LEO1: variants seen among roughly 807,000 people sequenced by gnomAD.
LEO1 encodes LEO1 component of Paf1/RNA polymerase II complex, also known as RNA polymerase-associated protein LEO1.
LEO1 carries 34 observed loss-of-function variants against 80.4 expected under a neutral mutation model. The ratio of observed to expected loss-of-function variants is 0.42; its 90% CI spans 0.32 to 0.56. The LOEUF (loss-of-function observed/expected upper bound fraction) is 0.56. Ranked by LOEUF, LEO1 falls within the 20% of genes least tolerant of loss-of-function variation. LEO1 has a pLI of 0.10. For missense variants in LEO1, 631 were observed against 814.2 expected, an observed-to-expected ratio of 0.77 and a Z score of 2.74; for synonymous variants, 262 against 274.9, an observed-to-expected ratio of 0.95 and a Z score of 0.46.
chr15:51,949,816 C>A lies in LEO1; in HGVS notation c.1790G>T (p.Gly597Val), dbSNP rs762139533. 8.7e-6 allele frequency: 14 copies of A among 1,612,798 alleles called. No homozygotes were observed. Reference protein sequence around the residue: ...LAAIKNRYKGGIREERARIYS... With the variant: ...LAAIKNRYKGVIREERARIYS... ...TTCCATACACGACTCACCTCGAATG[C>A]CCCCTTTATATCGGTTTTTAATGGC... is the stretch of plus-strand genomic sequence containing the variant. The change falls in exon 10 of 12, where the codon GGC (glycine) becomes GTC (valine). Residue 597 changes from glycine (G) to valine (V), a missense_variant. Transcript: ENST00000299601.
Position 51,966,352 on chromosome 15 carries a change from C to G in LEO1, c.211G>C (p.Ala71Pro), listed in dbSNP as rs1386255501. Residue 71 changes from alanine to proline, a missense_variant, in exon 2 of 12, where the codon GCT (alanine) becomes CCT (proline). Ala to Pro is a conservative substitution (Grantham distance 27). Transcript: ENST00000299601. ...TTATCACTACCACTATGATGTGAAG[C>G]TCCCTCGTCCTCACTGTCATCTCCA... ...LFGDDSEDEG[A>P]SHHSGSDNHS... 1 of 1,614,070 alleles carries G rather than the reference C, an allele frequency of 6.2e-7. No homozygotes were observed. The highest frequency in any genetic ancestry group is 8.5e-7 in the Non-Finnish European group (1 of 1,180,030).
Position 51,967,180 on chromosome 15 carries a change from A to G in LEO1, c.59-676T>C, listed in dbSNP as rs534504209. 1.2e-4 allele frequency among the ~76,000 whole-genome samples: 19 copies of G among 152,262 alleles called. No homozygotes were observed. In the South Asian group the frequency reaches 3.9e-3, roughly 32 times the overall value. On this transcript the variant is annotated intron_variant, in intron 1 of 11. Transcript: ENST00000299601. The stretch of plus-strand genomic sequence containing the variant: ...GAAATGAGCAGAAAAAGATTCTTAA[A>G]TAATAGCTGAGGCCAGGCATGGTGG...
At chr15:51,961,083 C>A (rs1176506974) in intron 3 of LEO1, among the ~76,000 whole-genome samples, 1 of 152,142 alleles carries the variant, frequency 6.6e-6, no homozygotes, top group African/African-American at 2.4e-5. Flanking sequence ...ATAAGTCTAT[C>A]CCAGATTCAA....
At chr15:51,948,683 G>A (rs2056921877) in intron 10 of LEO1, among the ~76,000 whole-genome samples, 1 of 152,158 alleles carries the variant, frequency 6.6e-6, no homozygotes, top group African/African-American at 2.4e-5. Flanking sequence ...ATTATTAATA[G>A]GTTGTTTTTG....
intron 1 of LEO1, among the ~76,000 whole-genome samples, chr15:51,967,779 A>C (rs1303840065): frequency 6.6e-6 from 1 of 152,266 alleles, no homozygotes; most frequent in East Asian, 1.9e-4. Flanking sequence ...TCAACCAAGA[A>C]TTTTATATTC....
At chr15:51,947,870 T>A (rs983203186) in intron 10 of LEO1, among the ~76,000 whole-genome samples, 6 of 152,324 alleles carry the variant, frequency 3.9e-5, no homozygotes, top group Non-Finnish European at 7.4e-5. Context: ...ATTTTAGATA[T>A]GCGGAAATGA....
rs78046082 is a variant in LEO1, at chr15:51,941,890, T to C, written c.1897-3630A>G. 8.1e-3 allele frequency among the ~76,000 whole-genome samples: 1,231 copies of C among 152,226 alleles called. 21 individuals are homozygous for C. Among genetic ancestry groups the C allele is most frequent in the African/African-American group, 0.029 (1,186 of 41,538 alleles). Reference sequence around the variant, plus strand: ...AAACTCCATTGATCAGATGAGGAAATAGAGATATGAGATGACTGGCCCAAG... The same window carrying C: ...AAACTCCATTGATCAGATGAGGAAACAGAGATATGAGATGACTGGCCCAAG... On this transcript the variant is annotated intron_variant, in intron 11 of 11. Coordinates refer to ENST00000299601, the MANE Select transcript of LEO1 (RefSeq NM_138792.4).
chr15:51,947,144 C>G, intron 11 of LEO1, 148 bp downstream of exon 11: 1 of 686,868 alleles, frequency 1.5e-6, no homozygotes, highest in Non-Finnish European at 2.6e-6. Context: ...CTGGATCACT[C>G]TGTCTTGTTA....
At chr15:51,969,118 G>A (rs891148440) in intron 1 of LEO1, among the ~76,000 whole-genome samples, 4 of 151,706 alleles carry the variant, frequency 2.6e-5, no homozygotes, top group African/African-American at 9.7e-5. Context: ...CACCACACCT[G>A]GCTAATTTTT....
At position 51,942,426 on chromosome 15, in the gene LEO1, A is replaced by C. The variant is rs560806158; in HGVS notation, c.1897-4166T>G. Among the ~76,000 whole-genome samples the C allele has an allele frequency of 5.3e-5, 8 of 152,288 alleles. No homozygotes were observed. The East Asian group carries it at 1.2e-3, about 22-fold the overall frequency. On this transcript the variant is annotated intron_variant, in intron 11 of 11. Transcript: ENST00000299601. ...CTATCTGATGGATCACTTAAAAAAA[A>C]AAAAATCACTTCTGAGAATACTAGG... is the stretch of plus-strand genomic sequence containing the variant.
chr15:51,954,371 G>C lies in LEO1; in HGVS notation c.1340+110C>G, dbSNP rs1323284151. 5.8e-5 allele frequency: 40 copies of C among 688,950 alleles called. No individual in the cohort carries two copies. The East Asian group carries it at 9.7e-4, about 17-fold the overall frequency. The allele number at this position is 688,950 out of a possible 1,614,324, so 42.7% of individuals were successfully genotyped here. ...CACTCCAACATGGGCAACAGAGTGA[G>C]ACCCCATTTCTAAAACTAATAATAA... On this transcript the variant is annotated intron_variant, in intron 7 of 11. Coordinates refer to ENST00000299601, the MANE Select transcript of LEO1 (RefSeq NM_138792.4).
chr15:51,963,263 G>A (rs1426059457), intron 2 of LEO1, among the ~76,000 whole-genome samples: 7 of 151,792 alleles, frequency 4.6e-5, no homozygotes, highest in South Asian at 2.1e-4. Flanking sequence ...GTGACAGAGC[G>A]AGACTGTCTC....
chr15:51,948,067 T>C (rs1384031383), intron 10 of LEO1, among the ~76,000 whole-genome samples: 1 of 152,218 alleles, frequency 6.6e-6, no homozygotes, highest in Non-Finnish European at 1.5e-5. Flanking sequence ...GAAAGTGGTT[T>C]CCTGGTCCTG....
rs1283016820 is a variant in LEO1, at chr15:51,960,704, C to T, written c.949G>A (p.Gly317Ser). 1 of 1,609,978 alleles carries T rather than the reference C, an allele frequency of 6.2e-7. No individual in the cohort carries two copies. Among genetic ancestry groups the T allele is most frequent in the Non-Finnish European group, 8.5e-7 (1 of 1,176,200 alleles). Residue 317 changes from glycine to serine, a missense_variant, in exon 4 of 12, where the codon GGT (glycine) becomes AGT (serine). Physicochemically the swap from Gly to Ser is moderately conservative, Grantham distance 56. This residue lies in a region of LEO1 where 394 missense variants were observed against 395.6 expected (regional missense o/e 1.00). Transcript: ENST00000299601. ...CTCCCTGAAGAGATATCATCTGCACCTCCAAATAAATCCATGGTTCCACTA... is the reference window on the plus strand; with the variant it reads ...CTCCCTGAAGAGATATCATCTGCACTTCCAAATAAATCCATGGTTCCACTA... ...DNSGTMDLFG[G>S]ADDISSGSDG...
intron 10 of LEO1, among the ~76,000 whole-genome samples, chr15:51,949,433 C>T (rs1196337522): frequency 1.3e-5 from 2 of 152,176 alleles, no homozygotes; most frequent in Non-Finnish European, 2.9e-5. Flanking sequence ...GGCACAGTGG[C>T]TCATGCCTGT....
chr15:51,954,455 A>C, intron 7 of LEO1, 26 bp downstream of exon 7: 1 of 1,460,900 alleles, frequency 6.8e-7, no homozygotes, highest in South Asian at 1.1e-5. Flanking sequence ...GGGTATGTCA[A>C]TACCCTTCAG....
At chr15:51,958,689 T>C in intron 6 of LEO1, 53 bp downstream of exon 6, 1 of 1,066,336 alleles carries the variant, frequency 9.4e-7, no homozygotes, top group Non-Finnish European at 1.4e-6. Flanking sequence ...CAAGTTAGTA[T>C]CTCCAGGTTT....
intron 7 of LEO1, among the ~76,000 whole-genome samples, chr15:51,953,633 A>AAC (rs2056965995): frequency 6.6e-6 from 1 of 152,094 alleles, no homozygotes; most frequent in Non-Finnish European, 1.5e-5. Context: ...GAAAAAAAAA[A>AAC]ACAAAACAAA....
chr15:51,948,451 G>C (rs1016414001), intron 10 of LEO1, among the ~76,000 whole-genome samples: 1 of 152,156 alleles, frequency 6.6e-6, no homozygotes, highest in East Asian at 1.9e-4. Flanking sequence ...AAGGGTCTCT[G>C]TACTGTGGTC....
Sources: gnomAD v4.1 joint callset for allele counts (sites outside exome capture counted in the v4.1 genomes callset) on GRCh38, gnomAD v4.1.1 for gene constraint, gnomAD v4.1.1 regional missense constraint, MANE v1.5 for transcripts, NCBI Gene and HGNC (gene_info 2026-07-23, HGNC 2026-07-21) for gene names.